Variants in ARHGAP15 observed in about 807,000 individuals in gnomAD.
ARHGAP15 encodes the protein Rho GTPase activating protein 15, also known as rho GTPase-activating protein 15.
ARHGAP15 carries 51 observed loss-of-function variants against 63.7 expected under a neutral mutation model. The ratio of observed to expected loss-of-function variants is 0.80; its 90% CI spans 0.64 to 1.01. The LOEUF is 1.01. ARHGAP15 is among the 50% of genes least tolerant of loss of function. ARHGAP15 has a pLI of 0.00. For synonymous variants in ARHGAP15, 191 were observed against 193.8 expected, an observed-to-expected ratio of 0.99 and a Z score of 0.12; for missense variants, 560 against 564.6, an observed-to-expected ratio of 0.99 and a Z score of 0.08.
At position 143,326,157 on chromosome 2, in the gene ARHGAP15, C is replaced by T. The variant is rs149144164; in HGVS notation, c.474+75557C>T. Among the ~76,000 whole-genome samples the T allele has an allele frequency of 3.3e-5, 5 of 152,256 alleles. No homozygotes were observed. In the East Asian group the frequency reaches 7.7e-4, roughly 24 times the overall value. ...AGAGATACTTAACCAAACAGAAAAA[C>T]GTCACTGGGGAACTTATGCTATGAG... On this transcript the variant is annotated intron_variant, in intron 6 of 13. Transcript: ENST00000295095.
chr2:143,530,851 T>C (rs1694493794), intron 10 of ARHGAP15, among the ~76,000 whole-genome samples: 1 of 152,226 alleles, frequency 6.6e-6, no homozygotes, highest in Non-Finnish European at 1.5e-5. Flanking sequence ...GCAAATTTAA[T>C]TAATGCTCTG....
intron 6 of ARHGAP15, among the ~76,000 whole-genome samples, chr2:143,267,860 T>A (rs1681074028): frequency 6.6e-6 from 1 of 152,122 alleles, no homozygotes; most frequent in Non-Finnish European, 1.5e-5. Flanking sequence ...AAAAAATATT[T>A]TCTCTAGCTA....
intron 6 of ARHGAP15, among the ~76,000 whole-genome samples, chr2:143,328,698 C>T (rs147832502): frequency 0.012 from 1,891 of 152,280 alleles, 26 homozygotes; most frequent in African/African-American, 0.034. Flanking sequence ...CAAACCTGCA[C>T]ATTCTGCACG....
intron 9 of ARHGAP15, among the ~76,000 whole-genome samples, chr2:143,496,535 T>G (rs12464672): frequency 0.26 from 40,143 of 152,166 alleles, 6,100 homozygotes; most frequent in East Asian, 0.72. Flanking sequence ...TATTTGAGAT[T>G]GTGACTTACA....
At chr2:143,486,159 C>T (rs533447378) in intron 8 of ARHGAP15, among the ~76,000 whole-genome samples, 13 of 152,004 alleles carry the variant, frequency 8.6e-5, no homozygotes, top group Admixed American at 2.6e-4. Flanking sequence ...AAAAGAATAC[C>T]TAATAAAGTA....
chr2:143,291,546 T>A (rs1385607920), intron 6 of ARHGAP15, among the ~76,000 whole-genome samples: 2 of 152,134 alleles, frequency 1.3e-5, no homozygotes, highest in Non-Finnish European at 2.9e-5. Context: ...TCTAAAGTAC[T>A]TCAGTGTATT....
intron 8 of ARHGAP15, among the ~76,000 whole-genome samples, chr2:143,479,866 C>T (rs1419038849): frequency 3.2e-5 from 1 of 30,842 alleles, no homozygotes; most frequent in East Asian, 9.4e-4. Context: ...TTTTCATAAC[C>T]TGTGACGCAA....
intron 3 of ARHGAP15, among the ~76,000 whole-genome samples, chr2:143,214,312 C>A (rs748696234): frequency 2.6e-5 from 4 of 152,022 alleles, no homozygotes; most frequent in Non-Finnish European, 5.9e-5. Flanking sequence ...GGTTACACAA[C>A]AAAATTTCTC....
At chr2:143,436,603 C>G (rs574687817) in intron 7 of ARHGAP15, among the ~76,000 whole-genome samples, 14 of 152,132 alleles carry the variant, frequency 9.2e-5, no homozygotes, top group Admixed American at 8.5e-4. Context: ...TGGCCTTAGG[C>G]AAATTACTTG....
intron 6 of ARHGAP15, among the ~76,000 whole-genome samples, chr2:143,404,720 T>A (rs1410988142): frequency 6.6e-6 from 1 of 151,918 alleles, no homozygotes; most frequent in African/African-American, 2.4e-5. Context: ...CTAGGGATGG[T>A]TCTGAGAAGC....
intron 8 of ARHGAP15, among the ~76,000 whole-genome samples, chr2:143,470,980 C>T (rs112118785): frequency 0.071 from 10,010 of 141,698 alleles, 367 homozygotes; most frequent in South Asian, 0.081. Flanking sequence ...TACATACACA[C>T]GTGTATCATA....
intron 2 of ARHGAP15, among the ~76,000 whole-genome samples, chr2:143,173,796 T>C (rs1039965625): frequency 2.0e-5 from 3 of 152,122 alleles, no homozygotes; most frequent in African/African-American, 7.2e-5. Context: ...GTAACTTCTG[T>C]TCAAGAGTAC....
chr2:143,388,846 T>C (rs909239424), intron 6 of ARHGAP15, among the ~76,000 whole-genome samples: 2 of 152,214 alleles, frequency 1.3e-5, no homozygotes, highest in South Asian at 4.1e-4. Flanking sequence ...TGTAAAATCT[T>C]TTTAAAGGAT....
intron 6 of ARHGAP15, among the ~76,000 whole-genome samples, chr2:143,413,146 A>G (rs1172426198): frequency 1.3e-5 from 2 of 152,246 alleles, no homozygotes; most frequent in Non-Finnish European, 2.9e-5. Flanking sequence ...AAGACATTAC[A>G]TATTAAAAAG....
rs559316616 is a variant in ARHGAP15, at chr2:143,368,454, C to T, written c.475-67147C>T. On this transcript the variant is annotated intron_variant, in intron 6 of 13. Transcript: ENST00000295095. ...AAATAAAATATCAGCATATCTTTTA[C>T]TAAGACATTTGGAATTTTCCTACAG... Among the ~76,000 whole-genome samples, 18 of 152,078 alleles carry T rather than the reference C, an allele frequency of 1.2e-4. No homozygotes were observed. In the South Asian group the frequency reaches 3.7e-3, roughly 32 times the overall value.
chr2:143,133,900 C>T (rs1027387128), intron 1 of ARHGAP15, among the ~76,000 whole-genome samples: 7 of 152,080 alleles, frequency 4.6e-5, no homozygotes, highest in African/African-American at 1.4e-4. Flanking sequence ...CGCACCTCTC[C>T]ACTTTGCTTT....
At chr2:143,225,246 T>C (rs930920036) in intron 4 of ARHGAP15, among the ~76,000 whole-genome samples, 2 of 152,080 alleles carry the variant, frequency 1.3e-5, no homozygotes, top group African/African-American at 2.4e-5. Flanking sequence ...CTCATGTCTT[T>C]CAGTTATTCA....
intron 6 of ARHGAP15, among the ~76,000 whole-genome samples, chr2:143,430,072 G>A (rs1026173585): frequency 2.0e-5 from 3 of 151,952 alleles, no homozygotes; most frequent in Non-Finnish European, 2.9e-5. Context: ...TTGTTTGCTA[G>A]GGTAACCCTG....
At chr2:143,532,061 C>T (rs1221546753) in intron 10 of ARHGAP15, among the ~76,000 whole-genome samples, 4 of 152,166 alleles carry the variant, frequency 2.6e-5, no homozygotes, top group Non-Finnish European at 5.9e-5. Context: ...ATGTACTTTC[C>T]ATACAGGACA....
Sources: allele counts gnomAD v4.1 joint callset (sites outside exome capture counted in the v4.1 genomes callset), GRCh38; gene constraint gnomAD v4.1.1; transcripts MANE v1.5; gene names NCBI Gene and HGNC (gene_info 2026-07-23, HGNC 2026-07-21).